DCAF7: variants seen among roughly 807,000 people sequenced by gnomAD.
The protein encoded by DCAF7 is DDB1 and CUL4 associated factor 7.
In DCAF7, 4 loss-of-function variants were observed where a neutral mutation model predicts 41.2. That is an observed-to-expected ratio of 0.10 (90% CI 0.05 to 0.22). The LOEUF is 0.22. Ranked by LOEUF, DCAF7 falls within the 10% of genes least tolerant of loss-of-function variation. DCAF7 has a pLI of 1.00. For synonymous variants in DCAF7, 143 were observed against 164.2 expected (o/e 0.87, Z 0.99); for missense variants, 131 against 443.2 (o/e 0.30, Z 6.32).
intron 1 of DCAF7, among the ~76,000 whole-genome samples, chr17:63,568,048 T>C (rs2033463538): frequency 6.6e-6 from 1 of 151,908 alleles, no homozygotes; most frequent in Admixed American, 6.6e-5. Flanking sequence ...TGAGATGGAG[T>C]CTCGCTCTGT....
At chr17:63,567,606 G>A (rs187847007) in intron 1 of DCAF7, among the ~76,000 whole-genome samples, 2 of 152,308 alleles carry the variant, frequency 1.3e-5, no homozygotes, top group African/African-American at 2.4e-5. Flanking sequence ...AACTCTAGTC[G>A]TAGGCAAAGC....
chr17:63,578,700 C>T, intron 2 of DCAF7, 72 bp downstream of exon 2: 1 of 1,596,328 alleles, frequency 6.3e-7, no homozygotes, highest in East Asian at 2.2e-5. Context: ...TGAAAAGTCA[C>T]AGAACAGACA....
intron 1 of DCAF7, among the ~76,000 whole-genome samples, chr17:63,559,359 GTATGTATATATA>G (rs1568097700): frequency 2.4e-4 from 25 of 102,738 alleles, no homozygotes; most frequent in Non-Finnish European, 3.3e-4. Flanking sequence ...GTATATATAT[GTATGTATATATA>G]TATGTGTATA....
rs986151614 is a variant in DCAF7, at chr17:63,556,176, G to A, written c.138+5361G>A. Among the ~76,000 whole-genome samples, 4 of 152,184 alleles carry A rather than the reference G, an allele frequency of 2.6e-5. No individual in the cohort carries two copies. In the South Asian group the frequency reaches 8.3e-4, roughly 31 times the overall value. Reference sequence around the variant, plus strand: ...ATTGTGGGAAAATGTTCCAGTGACTGGAGTGTTATGTTGATTTGGATAACT... The same window carrying A: ...ATTGTGGGAAAATGTTCCAGTGACTAGAGTGTTATGTTGATTTGGATAACT... On this transcript the variant is annotated intron_variant, in intron 1 of 6. Coordinates refer to ENST00000614556, the MANE Select transcript of DCAF7 (RefSeq NM_005828.5).
chr17:63,561,893 C>G (rs999809901), intron 1 of DCAF7, among the ~76,000 whole-genome samples: 2 of 151,458 alleles, frequency 1.3e-5, no homozygotes, highest in African/African-American at 4.9e-5. Context: ...AGGTGAGGAA[C>G]CTGAAGCTCA....
chr17:63,559,439 G>GTGTGTGTGTGTGTA (rs1555680864), intron 1 of DCAF7, among the ~76,000 whole-genome samples: 2 of 122,176 alleles, frequency 1.6e-5, no homozygotes, highest in African/African-American at 6.9e-5. Flanking sequence ...ATATGTGTGT[G>GTGTGTGTGTGTGTA]TATATATATA....
intron 1 of DCAF7, among the ~76,000 whole-genome samples, chr17:63,569,252 T>C (rs2033478628): frequency 6.6e-6 from 1 of 152,130 alleles, no homozygotes; most frequent in Admixed American, 6.5e-5. Flanking sequence ...AATGCTCAGA[T>C]AGTGGGGTCT....
intron 1 of DCAF7, among the ~76,000 whole-genome samples, chr17:63,551,315 C>CCG (rs71155976): frequency 6.7e-6 from 1 of 149,662 alleles, no homozygotes; most frequent in Admixed American, 6.7e-5. Flanking sequence ...CCACCCCCCC[C>CCG]GGGTACTCAT....
intron 1 of DCAF7, among the ~76,000 whole-genome samples, chr17:63,562,497 CA>C (rs1300651069): frequency 1.3e-5 from 2 of 152,002 alleles, no homozygotes; most frequent in Non-Finnish European, 2.9e-5. Flanking sequence ...AGTCAAAAGA[CA>C]GCAGAAAATA....
chr17:63,559,365 A>G (rs980327011), intron 1 of DCAF7, among the ~76,000 whole-genome samples: 46 of 115,494 alleles, frequency 4.0e-4, no homozygotes, highest in South Asian at 2.5e-3. Flanking sequence ...ATATGTATGT[A>G]TATATATATG....
chr17:63,559,486 A>G (rs1666462093), intron 1 of DCAF7, among the ~76,000 whole-genome samples: 1 of 147,662 alleles, frequency 6.8e-6, no homozygotes, highest in Admixed American at 6.8e-5. Context: ...GAAACCAGAA[A>G]AAAAAATTGG....
rs1213302320 is a variant in DCAF7, at chr17:63,574,188, A to AT, written c.139-4279dup. On this transcript the variant is annotated intron_variant, in intron 1 of 6. Coordinates refer to ENST00000614556, the MANE Select transcript of DCAF7 (RefSeq NM_005828.5). ...TACCTGGGATGCCCTTCCCTTTCCT[A>AT]TTTGCCTACCCAGATCCTTCCTATT... Among the ~76,000 whole-genome samples the AT allele has an allele frequency of 2.6e-5, 4 of 151,818 alleles. No homozygotes were observed. The East Asian group carries it at 7.7e-4, about 29-fold the overall frequency.
rs1372057213 is a variant in DCAF7 at position 63,593,567 on chromosome 17, C to G, written c.*4395C>G. ...AGCTGGAAAGTTTATAGGCACCCAC[C>G]TTTGGGACAACCCAGTGATTATGAA... is the stretch of plus-strand genomic sequence containing the variant. On this transcript the variant is annotated 3_prime_UTR_variant, in exon 7 of 7. Coordinates refer to ENST00000614556, the MANE Select transcript of DCAF7 (RefSeq NM_005828.5). 14 of 152,588 alleles carry G rather than the reference C, an allele frequency of 9.2e-5. No homozygotes were observed. 9.5% of individuals were successfully genotyped at this position (152,588 alleles called of 1,614,324 possible). A position where few individuals can be genotyped will look rare whatever the true frequency, so the allele number is the denominator to read the frequency against.
In DCAF7 at chr17:63,592,654, T is replaced by C. The variant is rs2033746651; in HGVS notation, c.*3482T>C. 1 of 152,150 alleles carries C rather than the reference T, an allele frequency of 6.6e-6. No homozygotes were observed. Among genetic ancestry groups the C allele is most frequent in the Non-Finnish European group, 1.5e-5 (1 of 68,044 alleles). 9.4% of individuals were successfully genotyped at this position (152,150 alleles called of 1,614,324 possible). On this transcript the variant is annotated 3_prime_UTR_variant, in exon 7 of 7. Coordinates refer to ENST00000614556, the MANE Select transcript of DCAF7 (RefSeq NM_005828.5). ...GGTAGGGAAACATTCAGACTGTCCA[T>C]TGCATGGCTGTGGAGTGAGACTGCC...
At chr17:63,554,854 G>A in intron 1 of DCAF7, among the ~76,000 whole-genome samples, 1 of 152,032 alleles carries the variant, frequency 6.6e-6, no homozygotes, top group Admixed American at 6.5e-5. Flanking sequence ...TTTCCAGAAA[G>A]GATTCAGGAA....
At chr17:63,564,290 T>C (rs1447851181) in intron 1 of DCAF7, among the ~76,000 whole-genome samples, 1 of 152,164 alleles carries the variant, frequency 6.6e-6, no homozygotes, top group Admixed American at 6.6e-5. Context: ...GTCATCAAAA[T>C]AGATAAAACT....
intron 1 of DCAF7, among the ~76,000 whole-genome samples, chr17:63,560,209 G>A (rs1164858271): frequency 6.6e-6 from 1 of 152,120 alleles, no homozygotes; most frequent in Admixed American, 6.5e-5. Context: ...TCTACTGTGT[G>A]TGTGTGTATA....
At chr17:63,584,694 G>A (rs775650944) in intron 5 of DCAF7, among the ~76,000 whole-genome samples, 4 of 152,118 alleles carry the variant, frequency 2.6e-5, no homozygotes, top group Admixed American at 6.5e-5. Flanking sequence ...CCTGGGAAGC[G>A]GAGCTTGCAG....
rs752319146 is a variant in DCAF7, at chr17:63,579,452, AG to A, written c.409+7del. The A allele has an allele frequency of 7.6e-6, 12 of 1,579,934 alleles. No individual in the cohort carries two copies. The Admixed American group carries it at 1.6e-4, about 21-fold the overall frequency. ...GAGGTGGATCCTTATCTTTTAGGTA[AG>A]GGAGTTAGGGAGTATGTATTTCAGC... On this transcript the variant is annotated splice_donor_5th_base_variant and intron_variant, in intron 3 of 6. Transcript: ENST00000614556.
Sources: gnomAD v4.1 joint callset for allele counts (sites outside exome capture counted in the v4.1 genomes callset) on GRCh38, gnomAD v4.1.1 for gene constraint, MANE v1.5 for transcripts, NCBI Gene and HGNC (gene_info 2026-07-23, HGNC 2026-07-21) for gene names.